MPP2: variants seen among roughly 807,000 people sequenced by gnomAD.
MPP2 encodes the protein MAGUK p55 scaffold protein 2, also known as MAGUK p55 subfamily member 2.
A neutral mutation model predicts 58.5 loss-of-function variants in MPP2; 42 were observed. The observed-to-expected ratio is 0.72, with a 90% CI of 0.56 to 0.93. MPP2 has a LOEUF of 0.93. Ranked by LOEUF, MPP2 falls within the 40% of genes least tolerant of loss-of-function variation. The pLI is 0.00. For missense variants in MPP2, 632 were observed against 760.4 expected (o/e 0.83, Z 1.99); for synonymous variants, 300 against 307.8 (o/e 0.97, Z 0.26).
At chr17:43,878,191 T>A (rs2046932599) in intron 12 of MPP2, among the ~76,000 whole-genome samples, 1 of 152,124 alleles carries the variant, frequency 6.6e-6, no homozygotes, top group Admixed American at 6.5e-5. Flanking sequence ...GAAATAAGCT[T>A]TAATAACTGC....
intron 1 of MPP2, 72 bp downstream of exon 1, chr17:43,907,402 G>A (rs1224544834): frequency 8.1e-6 from 8 of 985,480 alleles, no homozygotes; most frequent in Non-Finnish European, 7.2e-6. Flanking sequence ...AGGGTCCTAA[G>A]TGCCGTGTCA....
Position 43,879,268 on chromosome 17 carries a change from CCCTCA to C in MPP2, c.1482+2_1482+6del. On this transcript the variant is annotated splice_donor_variant and splice_donor_5th_base_variant and intron_variant, in intron 12 of 12. Transcript: ENST00000269095. LOFTEE classifies it high-confidence loss of function. The surrounding 1 kb of genome is among the most constrained non-coding windows in gnomAD (Gnocchi z 4.1). Reference sequence around the variant, plus strand: ...CAGACCCCTCCCCCACACCTCAGAGCCCTCACCGTGAGCTGCTTGGTGGATATTCC... The same window carrying C: ...CAGACCCCTCCCCCACACCTCAGAGCCCGTGAGCTGCTTGGTGGATATTCC... The C allele has an allele frequency of 6.2e-7, 1 of 1,607,086 alleles. No individual in the cohort carries two copies.
At chr17:43,908,340 C>G (rs996608615), upstream of MPP2, among the ~76,000 whole-genome samples, 1 of 152,268 alleles carries the variant, frequency 6.6e-6, no homozygotes, top group Non-Finnish European at 1.5e-5. Context: ...AGCTACGCTA[C>G]TTCTCCGACC....
chr17:43,887,434 G>A (rs542433157), intron 3 of MPP2, among the ~76,000 whole-genome samples: 5 of 152,062 alleles, frequency 3.3e-5, no homozygotes, highest in South Asian at 4.2e-4. Context: ...TCATGCATCT[G>A]AATTTTGAGG....
At position 43,880,615 on chromosome 17, in the gene MPP2, T is replaced by C. The variant is rs2047065142; in HGVS notation, c.1150+76A>G. The C allele has an allele frequency of 7.4e-6, 11 of 1,481,324 alleles. No homozygotes were observed. In the Admixed American group the frequency reaches 1.8e-4, roughly 24 times the overall value. The allele number at this position is 1,481,324 out of a possible 1,614,324, so 91.8% of individuals were successfully genotyped here. Reference sequence around the variant, plus strand: ...GGCCTGGTGCCCATGAAGATGCCCATTCGGTGGGCCCAGCCCTGGCCCCAG... The same window carrying C: ...GGCCTGGTGCCCATGAAGATGCCCACTCGGTGGGCCCAGCCCTGGCCCCAG... On this transcript the variant is annotated intron_variant, in intron 10 of 12. Coordinates refer to ENST00000269095, the MANE Select transcript of MPP2 (RefSeq NM_005374.5). This position sits in a 1 kb window ranked among gnomAD's most constrained non-coding sequence, Gnocchi z 5.2.
intron 1 of MPP2, 112 bp from the exon 2 acceptor site, chr17:43,904,605 C>T: frequency 1.2e-6 from 1 of 829,460 alleles, no homozygotes. Flanking sequence ...GAAGGTGCTG[C>T]CCAGAAAGTG....
In MPP2 at chr17:43,877,644, C is replaced by T. The variant is rs527694631; in HGVS notation, c.*163G>A. 1.2e-4 allele frequency: 81 copies of T among 677,066 alleles called. No homozygotes were observed. Among genetic ancestry groups the T allele is most frequent in the East Asian group, 8.3e-4 (33 of 39,834 alleles). The allele number at this position is 677,066 out of a possible 1,614,324, so 41.9% of individuals were successfully genotyped here. A position where few individuals can be genotyped will look rare whatever the true frequency, so the allele number is the denominator to read the frequency against. On this transcript the variant is annotated 3_prime_UTR_variant, in exon 13 of 13. Coordinates refer to ENST00000269095, the MANE Select transcript of MPP2 (RefSeq NM_005374.5). Reference sequence around the variant, plus strand: ...GAATGCCCACCTCCCTGGCAGTGCACGCCTCTGTGCTGAAGCCAGACTTAG... The same window carrying T: ...GAATGCCCACCTCCCTGGCAGTGCATGCCTCTGTGCTGAAGCCAGACTTAG...
chr17:43,889,370 T>C (rs559902590), intron 3 of MPP2, among the ~76,000 whole-genome samples: 12 of 150,942 alleles, frequency 8.0e-5, no homozygotes, highest in Admixed American at 7.9e-4. Context: ...CTTTTTTTTT[T>C]TTTTTTTTTT....
At chr17:43,894,594 G>A (rs1376161008) in intron 3 of MPP2, among the ~76,000 whole-genome samples, 2 of 125,858 alleles carry the variant, frequency 1.6e-5, no homozygotes, top group Non-Finnish European at 1.6e-5. Flanking sequence ...TCTAGCCTGG[G>A]CAACAGAGTG....
rs1239276808 is a variant in MPP2, at chr17:43,876,500, C to G, written c.*1307G>C. The G allele has an allele frequency of 6.6e-6, 1 of 152,208 alleles. No individual in the cohort carries two copies. The highest frequency in any genetic ancestry group is 1.5e-5 in the Non-Finnish European group (1 of 68,062). The allele number at this position is 152,208 out of a possible 1,614,324, so 9.4% of individuals were successfully genotyped here. On this transcript the variant is annotated 3_prime_UTR_variant, in exon 13 of 13. Coordinates refer to ENST00000269095, the MANE Select transcript of MPP2 (RefSeq NM_005374.5). ...GGGGACAATAAGACAAGGGAGGAGACATCAGGAAAGGACCAGGGCTTTGGA... is the reference window on the plus strand; with the variant it reads ...GGGGACAATAAGACAAGGGAGGAGAGATCAGGAAAGGACCAGGGCTTTGGA...
Position 43,880,451 on chromosome 17 carries a change from G to A in MPP2, c.1150+240C>T, listed in dbSNP as rs575443410. 2.0e-5 allele frequency among the ~76,000 whole-genome samples: 3 copies of A among 152,352 alleles called. No individual in the cohort carries two copies. Among genetic ancestry groups the A allele is most frequent in the African/African-American group, 7.2e-5 (3 of 41,578 alleles). ...TCATGGCTTTTAGCAAGTGAAACAA[G>A]AGAAGGAAAGTGGACGCCAGCCCAG... On this transcript the variant is annotated intron_variant, in intron 10 of 12. Transcript: ENST00000269095. This position sits in a 1 kb window ranked among gnomAD's most constrained non-coding sequence, Gnocchi z 5.2.
At chr17:43,882,584 G>T in intron 5 of MPP2, 73 bp from the exon 6 acceptor site, 1 of 1,418,832 alleles carries the variant, frequency 7.0e-7, no homozygotes, top group Non-Finnish European at 9.6e-7. Flanking sequence ...TCTCCTAATA[G>T]CTCCTCCATT....
intron 3 of MPP2, among the ~76,000 whole-genome samples, chr17:43,884,418 C>T (rs537339021): frequency 6.6e-6 from 1 of 152,274 alleles, no homozygotes; most frequent in East Asian, 1.9e-4. Flanking sequence ...CAGGGTCTCA[C>T]TACGTTGCCT....
At chr17:43,900,373 C>G (rs1430325489) in intron 2 of MPP2, 1 of 1,426,588 alleles carries the variant, frequency 7.0e-7, no homozygotes, top group Non-Finnish European at 9.5e-7. Flanking sequence ...CTCAGATGAC[C>G]TCTCCCAGGC....
chr17:43,901,380 G>A, intron 2 of MPP2: 1 of 985,454 alleles, frequency 1.0e-6, no homozygotes, highest in Non-Finnish European at 1.2e-6. Context: ...CAGGCATCTT[G>A]GAACTCAGTT....
At chr17:43,908,483 C>T (rs1045472520), upstream of MPP2, among the ~76,000 whole-genome samples, 1 of 152,168 alleles carries the variant, frequency 6.6e-6, no homozygotes, top group African/African-American at 2.4e-5. Flanking sequence ...TCCCATAATC[C>T]CAACACTTTG....
At chr17:43,882,808 C>T (rs1457707804) in intron 5 of MPP2, 95 bp downstream of exon 5, 9 of 1,566,022 alleles carry the variant, frequency 5.7e-6, no homozygotes, top group Non-Finnish European at 7.8e-6. Flanking sequence ...CCATCTTCAT[C>T]TTCAGACCAC....
At chr17:43,908,090 G>C (rs2048360027), upstream of MPP2, 1 of 509,030 alleles carries the variant, frequency 2.0e-6, no homozygotes, top group Admixed American at 6.4e-5. Context: ...ATGTCTTCCT[G>C]AAAGGATTCG....
At chr17:43,882,819 A>G (rs974110118) in intron 5 of MPP2, 84 bp downstream of exon 5, 5 of 1,584,086 alleles carry the variant, frequency 3.2e-6, no homozygotes, top group Non-Finnish European at 4.3e-6. Flanking sequence ...TTCAGACCAC[A>G]CTTGGCCTTT....
Sources: gnomAD v4.1 joint callset for allele counts (sites outside exome capture counted in the v4.1 genomes callset) on GRCh38, gnomAD v4.1.1 for gene constraint, Gnocchi (gnomAD v3.1) non-coding constraint, MANE v1.5 for transcripts, NCBI Gene and HGNC (gene_info 2026-07-23, HGNC 2026-07-21) for gene names.